Variants in AGBL4 observed in about 807,000 individuals in gnomAD.
AGBL4 encodes cytosolic carboxypeptidase 6.
A neutral mutation model predicts 66.4 loss-of-function variants in AGBL4; 58 were observed. The ratio of observed to expected loss-of-function variants is 0.87; its 90% CI spans 0.71 to 1.09. AGBL4 has a LOEUF of 1.09. Among genes scored for constraint, AGBL4 ranks in the 50% least tolerant of loss-of-function variants. The pLI is 0.00. For missense variants in AGBL4, 579 were observed against 631.0 expected (o/e 0.92, Z 0.88); for synonymous variants, 234 against 222.9 (o/e 1.05, Z -0.44).
rs1223323191 is a variant in AGBL4, at chr1:48,532,961, A to G, written c.*1212T>C. 4 of 152,218 alleles carry G rather than the reference A, an allele frequency of 2.6e-5. No individual in the cohort carries two copies. 9.4% of individuals were successfully genotyped at this position (152,218 alleles called of 1,614,324 possible). A position where few individuals can be genotyped will look rare whatever the true frequency, so the allele number is the denominator to read the frequency against. ...AATCAACATATGGCTCTTTGTCATCATTTCTGAAAACTAGCATGCAAAGGA... is the reference window on the plus strand; with the variant it reads ...AATCAACATATGGCTCTTTGTCATCGTTTCTGAAAACTAGCATGCAAAGGA... On this transcript the variant is annotated 3_prime_UTR_variant, in exon 14 of 14. Coordinates refer to ENST00000371839, the MANE Select transcript of AGBL4 (RefSeq NM_032785.4).
At chr1:49,090,997 C>A (rs1281405748) in intron 4 of AGBL4, among the ~76,000 whole-genome samples, 1 of 152,014 alleles carries the variant, frequency 6.6e-6, no homozygotes, top group Non-Finnish European at 1.5e-5. Context: ...AAAGGACCCC[C>A]ATTCAGTTAG....
intron 4 of AGBL4, among the ~76,000 whole-genome samples, chr1:49,201,425 G>A (rs1024199845): frequency 6.6e-6 from 1 of 152,138 alleles, no homozygotes; most frequent in African/African-American, 2.4e-5. Context: ...GACAGTGTTA[G>A]GATTTGAATT....
chr1:49,483,429 T>A (rs1421921014), intron 3 of AGBL4, among the ~76,000 whole-genome samples: 1 of 151,806 alleles, frequency 6.6e-6, no homozygotes, highest in African/African-American at 2.4e-5. Flanking sequence ...TTGAATGCAA[T>A]CCCTCTCAAA....
At chr1:49,910,284 G>GACAT (rs1254483611) in intron 1 of AGBL4, among the ~76,000 whole-genome samples, 1 of 152,252 alleles carries the variant, frequency 6.6e-6, no homozygotes, top group East Asian at 1.9e-4. Flanking sequence ...AAAGGTAGAG[G>GACAT]ACATAATCAA....
intron 3 of AGBL4, among the ~76,000 whole-genome samples, chr1:49,538,107 A>C (rs974426227): frequency 6.6e-6 from 1 of 152,224 alleles, no homozygotes; most frequent in African/African-American, 2.4e-5. Context: ...TATCTACCCA[A>C]AGGAAAAGAA....
chr1:48,832,983 G>A (rs1196712947), intron 6 of AGBL4, among the ~76,000 whole-genome samples: 2 of 152,138 alleles, frequency 1.3e-5, no homozygotes, highest in African/African-American at 4.8e-5. Flanking sequence ...GCTCTCCTGG[G>A]TCTCTAATTT....
intron 6 of AGBL4, among the ~76,000 whole-genome samples, chr1:48,716,402 T>G (rs1231352564): frequency 2.0e-5 from 3 of 152,100 alleles, no homozygotes; most frequent in Non-Finnish European, 2.9e-5. Flanking sequence ...GACAACTATA[T>G]CATAGGGCCA....
chr1:48,998,900 T>C (rs1278698667), intron 5 of AGBL4, among the ~76,000 whole-genome samples: 4 of 152,188 alleles, frequency 2.6e-5, no homozygotes, highest in African/African-American at 9.7e-5. Context: ...TGGCAGCTGC[T>C]TGAAGATCTC....
intron 3 of AGBL4, among the ~76,000 whole-genome samples, chr1:49,406,703 A>C (rs987108446): frequency 6.6e-6 from 1 of 152,104 alleles, no homozygotes; most frequent in Non-Finnish European, 1.5e-5. Context: ...TCTGTGGTAA[A>C]AGTATGTGAT....
chr1:48,942,358 G>T (rs188396552), intron 5 of AGBL4, among the ~76,000 whole-genome samples: 4 of 151,966 alleles, frequency 2.6e-5, no homozygotes, highest in Non-Finnish European at 4.4e-5. Context: ...AGCCAGACTG[G>T]TCTGGATTTG....
chr1:48,534,961 T>C (rs1339426351), intron 12 of AGBL4, 45 bp from the exon 13 acceptor site: 5 of 1,527,546 alleles, frequency 3.3e-6, no homozygotes, highest in Non-Finnish European at 4.4e-6. Flanking sequence ...TCTTAGGCTC[T>C]AGTAAATGGA....
At chr1:49,130,304 G>A (rs1039440674) in intron 4 of AGBL4, among the ~76,000 whole-genome samples, 7 of 152,118 alleles carry the variant, frequency 4.6e-5, no homozygotes, top group Non-Finnish European at 7.3e-5. Flanking sequence ...CTGTGCAGAA[G>A]CTCTTTAGTT....
At chr1:49,970,367 T>C (rs1438374345) in intron 1 of AGBL4, among the ~76,000 whole-genome samples, 1 of 152,088 alleles carries the variant, frequency 6.6e-6, no homozygotes, top group East Asian at 1.9e-4. Context: ...AAAGGATTAA[T>C]ATCAAAATAT....
At chr1:49,908,766 A>T (rs1456132036) in intron 1 of AGBL4, among the ~76,000 whole-genome samples, 1 of 152,112 alleles carries the variant, frequency 6.6e-6, no homozygotes, top group Non-Finnish European at 1.5e-5. Flanking sequence ...TGTATCAAAT[A>T]AAAAAGGGGG....
intron 6 of AGBL4, among the ~76,000 whole-genome samples, chr1:48,678,369 T>C (rs1345746226): frequency 6.6e-6 from 1 of 152,138 alleles, no homozygotes; most frequent in African/African-American, 2.4e-5. Flanking sequence ...CACCCCTCTC[T>C]TTACTTAAGG....
chr1:49,016,943 C>A (rs142133610), intron 5 of AGBL4, among the ~76,000 whole-genome samples: 1 of 152,358 alleles, frequency 6.6e-6, no homozygotes, highest in Admixed American at 6.5e-5. Flanking sequence ...CCACACTACA[C>A]ATTAATGGTA....
chr1:49,797,610 A>T (rs959415644), intron 2 of AGBL4, among the ~76,000 whole-genome samples: 9 of 151,892 alleles, frequency 5.9e-5, no homozygotes, highest in East Asian at 1.9e-4. Flanking sequence ...AGTTTTTAAA[A>T]TTTTTTTGTA....
intron 5 of AGBL4, among the ~76,000 whole-genome samples, chr1:48,893,808 C>T (rs1205412880): frequency 6.6e-6 from 1 of 152,166 alleles, no homozygotes; most frequent in Admixed American, 6.5e-5. Flanking sequence ...AGAGGGCCCT[C>T]AGCAGAACCC....
intron 2 of AGBL4, among the ~76,000 whole-genome samples, chr1:49,798,535 A>T (rs951130259): frequency 6.6e-6 from 1 of 152,212 alleles, no homozygotes; most frequent in Non-Finnish European, 1.5e-5. Context: ...TGCCATTTTT[A>T]TGATTTTATT....
Sources: gnomAD v4.1 joint callset for allele counts (sites outside exome capture counted in the v4.1 genomes callset) on GRCh38, gnomAD v4.1.1 for gene constraint, MANE v1.5 for transcripts, NCBI Gene and HGNC (gene_info 2026-07-23, HGNC 2026-07-21) for gene names.